The following SYNJ1 variants were observed in gnomAD, a reference collection of about 807,000 sequenced individuals.
SYNJ1 encodes the protein synaptojanin 1.
A neutral mutation model predicts 168.2 loss-of-function variants in SYNJ1; 78 were observed. The observed-to-expected ratio is 0.46, with a 90% CI of 0.39 to 0.56. The LOEUF (loss-of-function observed/expected upper bound fraction) is 0.56, where lower values mean the gene tolerates loss of function less well. SYNJ1 is among the 20% of genes least tolerant of loss of function. The pLI is 0.00. For synonymous variants in SYNJ1, 539 were observed against 548.6 expected (o/e 0.98, Z 0.24); for missense variants, 1,303 against 1,597.6 (o/e 0.82, Z 3.14).
At chr21:32,697,793 T>C (rs1365902947) in intron 4 of SYNJ1, among the ~76,000 whole-genome samples, 1 of 152,206 alleles carries the variant, frequency 6.6e-6, no homozygotes, top group East Asian at 1.9e-4. Context: ...AGAGTGACAC[T>C]CAAAAAAATC....
chr21:32,672,059 CAAAAA>C lies in SYNJ1; in HGVS notation c.1726+1276_1726+1280del, dbSNP rs1160074724. Among the ~76,000 whole-genome samples the C allele has an allele frequency of 3.2e-4, 8 of 24,668 alleles. No individual in the cohort carries two copies. The East Asian group carries it at 7.7e-3, about 24-fold the overall frequency. 16.2% of individuals were successfully genotyped at this position (24,668 alleles called of 152,430 possible). A position where few individuals can be genotyped will look rare whatever the true frequency, so the allele number is the denominator to read the frequency against. Reference sequence around the variant, plus strand: ...GGGCAACAAGAGCTAAACTCAATCTCAAAAAAAAAAAAAAAAAAAAAAAAAGAAAA... The same window carrying C: ...GGGCAACAAGAGCTAAACTCAATCTCAAAAAAAAAAAAAAAAAAAAGAAAA... On this transcript the variant is annotated intron_variant, in intron 14 of 32. Coordinates refer to ENST00000674351, the MANE Select transcript of SYNJ1 (RefSeq NM_203446.3).
chr21:32,641,110 T>C (rs2039815582), intron 29 of SYNJ1, among the ~76,000 whole-genome samples: 1 of 152,204 alleles, frequency 6.6e-6, no homozygotes, highest in Non-Finnish European at 1.5e-5. Flanking sequence ...AAAAAGCTTC[T>C]ATCTTCATAG....
chr21:32,689,842 T>A (rs754219628), intron 6 of SYNJ1, among the ~76,000 whole-genome samples: 58 of 152,390 alleles, frequency 3.8e-4, no homozygotes, highest in Non-Finnish European at 5.0e-4. Context: ...ATGTCACATC[T>A]GTGTTCAATT....
chr21:32,691,664 CTTGTGTAACACCTTATGACAATTCTTAT>C (rs1391139954), intron 6 of SYNJ1, among the ~76,000 whole-genome samples: 1 of 152,224 alleles, frequency 6.6e-6, no homozygotes, highest in Admixed American at 6.5e-5. Flanking sequence ...GTCATTCTTA[CTTGTGTAACACCTTATGACAATTCTTAT>C]AATGCCTCAA....
In SYNJ1 at chr21:32,657,538, AT is replaced by A. The variant is rs1167326361; in HGVS notation, c.2461+177del. Among the ~76,000 whole-genome samples the A allele has an allele frequency of 2.6e-5, 4 of 152,380 alleles. No homozygotes were observed. In the East Asian group the frequency reaches 7.7e-4, roughly 29 times the overall value. Reference sequence around the variant, plus strand: ...ATATGAAAATAGGCTGAAAAATTAAATAAGTTATTATAAACAGATCTGATAT... The same window carrying A: ...ATATGAAAATAGGCTGAAAAATTAAAAAGTTATTATAAACAGATCTGATAT... On this transcript the variant is annotated intron_variant, in intron 19 of 32. Coordinates refer to ENST00000674351, the MANE Select transcript of SYNJ1 (RefSeq NM_203446.3).
chr21:32,699,275 T>G (rs2042315453), intron 4 of SYNJ1, among the ~76,000 whole-genome samples: 1 of 152,220 alleles, frequency 6.6e-6, no homozygotes, highest in Non-Finnish European at 1.5e-5. Flanking sequence ...TGATCTTCTA[T>G]TGTCTCAGTT....
chr21:32,664,983 A>C lies in SYNJ1; in HGVS notation c.2234T>G (p.Leu745Arg). 1 of 1,613,762 alleles carries C rather than the reference A, an allele frequency of 6.2e-7. No homozygotes were observed. Among genetic ancestry groups the C allele is most frequent in the South Asian group, 1.1e-5 (1 of 91,042 alleles). ...IDLPNEEVKE[L>R]IRQQNWDSLI... is the part of the protein sequence containing the mutation. ...AGAATCCCAATTTTGCTGTCTTATG[A>C]GCTCTTTAACTTCTTCGTTAGGGAG... The change falls in exon 18 of 33, where the codon CTC becomes CGC. Residue 745 changes from leucine to arginine, a missense_variant. Transcript: ENST00000674351.
rs185636048 is a variant in SYNJ1, at chr21:32,645,488, T to C, written c.3391+158A>G. ...CTCTGCAAACACTCTACCTTGTCTGTTGCGCCTACCATGTTCTTTAGAGAA... is the reference window on the plus strand; with the variant it reads ...CTCTGCAAACACTCTACCTTGTCTGCTGCGCCTACCATGTTCTTTAGAGAA... On this transcript the variant is annotated intron_variant, in intron 25 of 32. Transcript: ENST00000674351. 1.7e-4 allele frequency among the ~76,000 whole-genome samples: 26 copies of C among 152,352 alleles called. No homozygotes were observed. The East Asian group carries it at 4.8e-3, about 28-fold the overall frequency.
At position 32,665,982 on chromosome 21, in the gene SYNJ1, T is replaced by C. The variant is rs2040914605; in HGVS notation, c.2106A>G (p.Glu702=). ...AGQSQVKERN[E]DFIEIARKLS... is the part of the protein sequence containing the mutation. Reference sequence around the variant, plus strand: ...ATTTTCGTGCTATTTCTATAAAATCTTCATTTCTTTCTTTGACTTGTGACT... The same window carrying C: ...ATTTTCGTGCTATTTCTATAAAATCCTCATTTCTTTCTTTGACTTGTGACT... Residue 702 remains glutamate (E), a synonymous_variant, in exon 17 of 33, where the codon GAA becomes GAG. Transcript: ENST00000674351. The C allele has an allele frequency of 6.2e-7, 1 of 1,612,660 alleles. No homozygotes were observed. Among genetic ancestry groups the C allele is most frequent in the South Asian group, 1.1e-5 (1 of 90,746 alleles).
intron 22 of SYNJ1, among the ~76,000 whole-genome samples, chr21:32,652,530 A>G (rs1032043116): frequency 6.6e-6 from 1 of 152,132 alleles, no homozygotes; most frequent in African/African-American, 2.4e-5. Context: ...TTTTTCTCCA[A>G]AGAAGTTGAT....
intron 4 of SYNJ1, among the ~76,000 whole-genome samples, chr21:32,699,590 C>A (rs1168082467): frequency 6.6e-6 from 1 of 152,146 alleles, no homozygotes; most frequent in African/African-American, 2.4e-5. Flanking sequence ...ACGTATACCA[C>A]CCCCTCGTGC....
At chr21:32,644,843 T>A in intron 26 of SYNJ1, 125 bp downstream of exon 26, 1 of 1,056,562 alleles carries the variant, frequency 9.5e-7, no homozygotes. Flanking sequence ...TAGTTTTATT[T>A]GTGGATTAGT....
chr21:32,702,688 T>C (rs947939671), intron 2 of SYNJ1, among the ~76,000 whole-genome samples: 15 of 152,202 alleles, frequency 9.9e-5, no homozygotes, highest in Non-Finnish European at 5.9e-5. Context: ...TCCCACAGTC[T>C]ACAGTTGATC....
rs1468685939 is a variant in SYNJ1, at chr21:32,711,838, G to A, written c.125-9791C>T. ...GAGGCTTGTTAAACATAACATAGTT[G>A]TCGCATGATAATCACACCTGCATTG... On this transcript the variant is annotated intron_variant, in intron 2 of 32. Transcript: ENST00000674351. Among the ~76,000 whole-genome samples, 4 of 152,234 alleles carry A rather than the reference G, an allele frequency of 2.6e-5. No individual in the cohort carries two copies. The East Asian group carries it at 5.8e-4, about 22-fold the overall frequency.
At chr21:32,704,097 C>G (rs1215669237) in intron 2 of SYNJ1, among the ~76,000 whole-genome samples, 2 of 152,174 alleles carry the variant, frequency 1.3e-5, no homozygotes, top group African/African-American at 4.8e-5. Context: ...ACAAAATGTT[C>G]TCTCTTCTAA....
chr21:32,726,696 T>TA, intron 2 of SYNJ1, 76 bp downstream of exon 2: 2 of 1,560,178 alleles, frequency 1.3e-6, no homozygotes, highest in Non-Finnish European at 1.7e-6. Flanking sequence ...GGCTCTTTTC[T>TA]AAAAAATGGT....
chr21:32,726,917 C>A lies in SYNJ1; in HGVS notation c.-22G>T. 6.2e-7 allele frequency: 1 copy of A among 1,613,756 alleles called. No homozygotes were observed. The highest frequency in any genetic ancestry group is 8.5e-7 in the Non-Finnish European group (1 of 1,179,852). ...CCATTCTCCTTTCTTCGGAGGCAGC[C>A]CTGCGAAAACCAAGCAAAGCAAAGC... On this transcript the variant is annotated splice_region_variant and 5_prime_UTR_variant, in exon 2 of 33. Coordinates refer to ENST00000674351, the MANE Select transcript of SYNJ1 (RefSeq NM_203446.3).
At chr21:32,650,149 G>C in intron 23 of SYNJ1, 35 bp downstream of exon 23, 1 of 1,562,684 alleles carries the variant, frequency 6.4e-7, no homozygotes, top group Non-Finnish European at 8.6e-7. Flanking sequence ...AACATATCTA[G>C]AACTACAAGA....
chr21:32,696,583 T>TA (rs1447932607), intron 4 of SYNJ1, among the ~76,000 whole-genome samples: 1 of 152,252 alleles, frequency 6.6e-6, no homozygotes, highest in Admixed American at 6.5e-5. Flanking sequence ...ATGAGTTTTC[T>TA]ATATTATTGA....
Sources: gnomAD v4.1 joint callset for allele counts (sites outside exome capture counted in the v4.1 genomes callset) on GRCh38, gnomAD v4.1.1 for gene constraint, MANE v1.5 for transcripts, NCBI Gene and HGNC (gene_info 2026-07-23, HGNC 2026-07-21) for gene names.